The following GRK2 variants were observed in gnomAD, a reference collection of about 807,000 sequenced individuals.
The protein encoded by GRK2 is adrenergic beta receptor kinase 1.
In GRK2, 23 loss-of-function variants were observed where a neutral mutation model predicts 97.8. The observed-to-expected ratio is 0.24, with a 90% CI of 0.17 to 0.33. GRK2 has a LOEUF of 0.33. Ranked by LOEUF, GRK2 falls within the 10% of genes least tolerant of loss-of-function variation. The pLI is 1.00. For synonymous variants in GRK2, 425 were observed against 381.7 expected (o/e 1.11, Z -1.32); for missense variants, 633 against 956.9 (o/e 0.66, Z 4.47).
Position 67,284,973 on chromosome 11 carries a change from G to T in GRK2, c.1781G>T (p.Gly594Val), listed in dbSNP as rs1427757064. The T allele has an allele frequency of 3.7e-6, 6 of 1,612,148 alleles. No individual in the cohort carries two copies. In the South Asian group the frequency reaches 5.5e-5, roughly 15 times the overall value. The change falls in exon 19 of 21, where the codon GGC (glycine) becomes GTC (valine). Residue 594 changes from glycine to valine, a missense_variant. By Grantham distance (109) the Gly-to-Val change is moderately radical. Transcript: ENST00000308595. ...AACCGCCTCGAGTGGCGGGGCGAGG[G>T]CGAGGCCCCGGTAAGGAGCCCGTGC... ...FPNRLEWRGE[G>V]EAPQSLLTME...
In GRK2 at chr11:67,284,953, C is replaced by T. The variant is rs1322790051; in HGVS notation, c.1761C>T (p.Arg587=). 6.2e-6 allele frequency: 10 copies of T among 1,612,908 alleles called. No homozygotes were observed. The highest frequency in any genetic ancestry group is 1.7e-6 in the Non-Finnish European group (2 of 1,179,948). The change falls in exon 19 of 21, where the codon CGC becomes CGT. Residue 587 remains arginine (R), a synonymous_variant. Transcript: ENST00000308595. ...GGTACTTCTACCTGTTCCCCAACCGCCTCGAGTGGCGGGGCGAGGGCGAGG... is the reference window on the plus strand; with the variant it reads ...GGTACTTCTACCTGTTCCCCAACCGTCTCGAGTGGCGGGGCGAGGGCGAGG... The part of the protein sequence containing the change: ...QRRYFYLFPN[R]LEWRGEGEAP...
intron 2 of GRK2, among the ~76,000 whole-genome samples, chr11:67,277,649 G>A (rs1860061252): frequency 6.6e-6 from 1 of 152,246 alleles, no homozygotes; most frequent in Non-Finnish European, 1.5e-5. Context: ...TGGCGCGGCC[G>A]CAGCTGCTCT....
chr11:67,284,144 C>T (rs1047489318), intron 17 of GRK2, 67 bp from the exon 18 acceptor site: 4 of 1,597,708 alleles, frequency 2.5e-6, no homozygotes, highest in South Asian at 1.1e-5. Context: ...GTCTGGGCAG[C>T]CTGTGGCTGA....
chr11:67,274,456 T>G (rs1339807434), intron 1 of GRK2, among the ~76,000 whole-genome samples: 1 of 143,276 alleles, frequency 7.0e-6, no homozygotes, highest in Non-Finnish European at 1.5e-5. Flanking sequence ...TTGCCTGTCA[T>G]CTGCATCTGC....
chr11:67,284,015 C>A, intron 17 of GRK2, 66 bp downstream of exon 17: 1 of 1,477,562 alleles, frequency 6.8e-7, no homozygotes, highest in Non-Finnish European at 9.3e-7. Context: ...GATCCCTCTC[C>A]CTTCTTATCA....
chr11:67,286,497 G>C lies in GRK2; in HGVS notation c.*1047G>C, dbSNP rs1298189235. 4.3e-6 allele frequency: 3 copies of C among 700,322 alleles called. No individual in the cohort carries two copies. Among genetic ancestry groups the C allele is most frequent in the African/African-American group, 1.7e-5 (1 of 57,170 alleles). The allele number at this position is 700,322 out of a possible 1,614,324, so 43.4% of individuals were successfully genotyped here. On this transcript the variant is annotated 3_prime_UTR_variant, in exon 21 of 21. Transcript: ENST00000308595. ...CCGGGGCGTTTCTTTGCCGATTTTT[G>C]AATGTGATTTTAAAGAGTGAAAAAT... is the stretch of plus-strand genomic sequence containing the variant.
chr11:67,274,891 G>T (rs1003784063), intron 1 of GRK2, among the ~76,000 whole-genome samples: 1 of 152,166 alleles, frequency 6.6e-6, no homozygotes, highest in African/African-American at 2.4e-5. Flanking sequence ...CCCATCCTCG[G>T]AGCTCCTGTC....
intron 1 of GRK2, 146 bp from the exon 2 acceptor site, chr11:67,277,126 C>A: frequency 1.5e-6 from 1 of 675,820 alleles, no homozygotes; most frequent in Non-Finnish European, 2.5e-6. Context: ...TGACCTGTGG[C>A]TGGGATAAGT....
At chr11:67,272,253 T>C (rs890186801) in intron 1 of GRK2, among the ~76,000 whole-genome samples, 3 of 152,152 alleles carry the variant, frequency 2.0e-5, no homozygotes, top group East Asian at 3.8e-4. Flanking sequence ...TGCACCCAGC[T>C]CTTCCACAGA....
intron 1 of GRK2, among the ~76,000 whole-genome samples, chr11:67,271,239 T>C (rs770916635): frequency 6.6e-6 from 1 of 152,264 alleles, no homozygotes; most frequent in African/African-American, 2.4e-5. Context: ...TGGAGCTATA[T>C]TCACGTTATT....
In GRK2 at chr11:67,282,651, G is replaced by GT; in HGVS notation, c.1161-99dup. 1 of 1,558,728 alleles carries GT rather than the reference G, an allele frequency of 6.4e-7. No homozygotes were observed. Among genetic ancestry groups the GT allele is most frequent in the Non-Finnish European group, 8.8e-7 (1 of 1,138,236 alleles). On this transcript the variant is annotated intron_variant, in intron 13 of 20. Transcript: ENST00000308595. This position sits in a 1 kb window ranked among gnomAD's most constrained non-coding sequence, Gnocchi z 6.9. Reference sequence around the variant, plus strand: ...AGCCCATAGCTGCCTTGGTGGTAGGGTTGGCACCGTCCCTGACTTTGGCCA... The same window carrying GT: ...AGCCCATAGCTGCCTTGGTGGTAGGGTTTGGCACCGTCCCTGACTTTGGCCA...
rs1382897692 is a variant in GRK2, at chr11:67,281,264, G to C, written c.647+80G>C. ...ACCCTGACAGGCCGGGTTCCACACAGGGCCACCTGCTGCTCCATGCACTCC... is the reference window on the plus strand; with the variant it reads ...ACCCTGACAGGCCGGGTTCCACACACGGCCACCTGCTGCTCCATGCACTCC... On this transcript the variant is annotated intron_variant, in intron 8 of 20. Coordinates refer to ENST00000308595, the MANE Select transcript of GRK2 (RefSeq NM_001619.5). This position sits in a 1 kb window ranked among gnomAD's most constrained non-coding sequence, Gnocchi z 5.7. 5.3e-6 allele frequency: 7 copies of C among 1,313,816 alleles called. No homozygotes were observed. In the East Asian group the frequency reaches 1.4e-4, roughly 26 times the overall value. The allele number at this position is 1,313,816 out of a possible 1,614,324, so 81.4% of individuals were successfully genotyped here.
chr11:67,268,206 T>C (rs755724634), intron 1 of GRK2, among the ~76,000 whole-genome samples: 2 of 152,174 alleles, frequency 1.3e-5, no homozygotes, highest in Non-Finnish European at 2.9e-5. Context: ...GAAGCAGCCG[T>C]CTAAGCTCTG....
chr11:67,266,641 AGCGAGCAGGAGCGGCGG>A lies in GRK2; in HGVS notation c.-58_-42del, dbSNP rs1200234461. On this transcript the variant is annotated 5_prime_UTR_variant, in exon 1 of 21. Transcript: ENST00000308595. ...CGCGGCCGGGCCGGGCCGAGCGCCG[AGCGAGCAGGAGCGGCGG>A]CGGCGGCGGCGGCGGCGGGAGGAGG... 1 of 779,426 alleles carries A rather than the reference AGCGAGCAGGAGCGGCGG, an allele frequency of 1.3e-6. No individual in the cohort carries two copies. 48.3% of individuals were successfully genotyped at this position (779,426 alleles called of 1,614,324 possible).
chr11:67,271,603 G>A (rs1378867084), intron 1 of GRK2, among the ~76,000 whole-genome samples: 1 of 152,248 alleles, frequency 6.6e-6, no homozygotes, highest in Non-Finnish European at 1.5e-5. Flanking sequence ...TGAAGAAGCC[G>A]TGACATTTGA....
intron 1 of GRK2, among the ~76,000 whole-genome samples, chr11:67,275,008 C>A (rs754840101): frequency 6.6e-6 from 1 of 152,162 alleles, no homozygotes; most frequent in Non-Finnish European, 1.5e-5. Context: ...CTCAGGGTCA[C>A]CTAGGCCCAT....
At chr11:67,279,723 C>G (rs1259400375) in intron 5 of GRK2, 23 bp downstream of exon 5, 9 of 1,613,696 alleles carry the variant, frequency 5.6e-6, no homozygotes, top group Middle Eastern at 3.3e-4. Context: ...CGGTCCCTCC[C>G]CAGGCAAGGT....
rs746924208 is a variant in GRK2 at position 67,277,320 on chromosome 11, C to G, written c.162C>G (p.Thr54=). The G allele has an allele frequency of 6.2e-7, 1 of 1,613,772 alleles. No homozygotes were observed. The highest frequency in any genetic ancestry group is 2.2e-5 in the East Asian group (1 of 44,874). ...QKYLEDRGEV[T]FEKIFSQKLG... ...ACCTGGAGGACCGGGGCGAGGTGAC[C>G]TTTGAGAAGATCTTTTCCCAGAAGC... The change falls in exon 2 of 21, where the codon ACC becomes ACG. Residue 54 remains threonine, a synonymous_variant. Coordinates refer to ENST00000308595, the MANE Select transcript of GRK2 (RefSeq NM_001619.5).
At chr11:67,284,795 A>G in intron 18 of GRK2, 52 bp from the exon 19 acceptor site, 5 of 1,587,158 alleles carry the variant, frequency 3.2e-6, no homozygotes, top group Non-Finnish European at 4.3e-6. Flanking sequence ...GTCTCAAAAC[A>G]AAAAAGAAAC....
Sources: gnomAD v4.1 joint callset for allele counts (sites outside exome capture counted in the v4.1 genomes callset) on GRCh38, gnomAD v4.1.1 for gene constraint, Gnocchi (gnomAD v3.1) non-coding constraint, MANE v1.5 for transcripts, NCBI Gene and HGNC (gene_info 2026-07-23, HGNC 2026-07-21) for gene names.